MACROD2: variants seen among roughly 807,000 people sequenced by gnomAD.
MACROD2 encodes ADP-ribose glycohydrolase MACROD2.
A neutral mutation model predicts 70.4 loss-of-function variants in MACROD2; 36 were observed. The ratio of observed to expected loss-of-function variants is 0.51; its 90% CI spans 0.39 to 0.68. The LOEUF is 0.68. Among genes scored for constraint, MACROD2 ranks in the 30% least tolerant of loss-of-function variants. The pLI, the probability that MACROD2 is intolerant of heterozygous loss-of-function variation, is 0.00. For synonymous variants in MACROD2, 172 were observed against 178.8 expected (o/e 0.96, Z 0.30); for missense variants, 496 against 538.4 (o/e 0.92, Z 0.78).
chr20:15,441,900 CA>C (rs1303091680), intron 7 of MACROD2, among the ~76,000 whole-genome samples: 1 of 152,112 alleles, frequency 6.6e-6, no homozygotes, highest in Non-Finnish European at 1.5e-5. Flanking sequence ...ATTACAGAGC[CA>C]ATCCATTGAG....
intron 5 of MACROD2, among the ~76,000 whole-genome samples, chr20:15,099,552 T>G (rs1568572818): frequency 6.6e-6 from 1 of 152,158 alleles, no homozygotes; most frequent in Non-Finnish European, 1.5e-5. Context: ...AAATGTCTGT[T>G]GGTTGAGCTA....
intron 8 of MACROD2, among the ~76,000 whole-genome samples, chr20:15,762,370 G>A (rs1256542078): frequency 6.6e-6 from 1 of 152,132 alleles, no homozygotes; most frequent in Non-Finnish European, 1.5e-5. Context: ...TCAATTCCAT[G>A]TTTTTAGACC....
chr20:15,019,480 A>G (rs1358466627), intron 5 of MACROD2, among the ~76,000 whole-genome samples: 1 of 152,142 alleles, frequency 6.6e-6, no homozygotes, highest in Non-Finnish European at 1.5e-5. Flanking sequence ...AGATGGTGAC[A>G]AAAAAATAGA....
intron 8 of MACROD2, among the ~76,000 whole-genome samples, chr20:15,763,313 A>G (rs2051467635): frequency 6.6e-6 from 1 of 152,218 alleles, no homozygotes; most frequent in Non-Finnish European, 1.5e-5. Flanking sequence ...GAACAACATC[A>G]GCAGTGAGTT....
chr20:15,966,363 A>C (rs575017261), intron 12 of MACROD2, among the ~76,000 whole-genome samples: 4 of 152,276 alleles, frequency 2.6e-5, no homozygotes, highest in Non-Finnish European at 5.9e-5. Flanking sequence ...CTTTCCTTTC[A>C]GCAGCATGAA....
intron 5 of MACROD2, among the ~76,000 whole-genome samples, chr20:15,024,612 A>G (rs1358454604): frequency 2.0e-5 from 3 of 151,980 alleles, no homozygotes; most frequent in Non-Finnish European, 4.4e-5. Flanking sequence ...TTATATTAAT[A>G]TTATATTTTT....
intron 15 of MACROD2, among the ~76,000 whole-genome samples, chr20:16,020,836 C>T (rs990937199): frequency 6.6e-6 from 1 of 152,104 alleles, no homozygotes; most frequent in South Asian, 2.1e-4. Flanking sequence ...TGGTCACAGT[C>T]AGCCCATCTT....
At chr20:13,997,568 A>G (rs1015310207) in intron 1 of MACROD2, among the ~76,000 whole-genome samples, 1 of 152,044 alleles carries the variant, frequency 6.6e-6, no homozygotes, top group Non-Finnish European at 1.5e-5. Context: ...TGTTTCCTTC[A>G]TTTAACATCT....
intron 4 of MACROD2, among the ~76,000 whole-genome samples, chr20:14,615,831 C>G (rs1050697926): frequency 6.6e-6 from 1 of 152,072 alleles, no homozygotes; most frequent in African/African-American, 2.4e-5. Flanking sequence ...ATGAGAAAGG[C>G]AGGAAAGCAG....
chr20:15,973,843 A>T (rs1471776999), intron 13 of MACROD2, among the ~76,000 whole-genome samples: 1 of 152,224 alleles, frequency 6.6e-6, no homozygotes, highest in African/African-American at 2.4e-5. Context: ...AGTGACAAAG[A>T]GTTGGTTATT....
chr20:14,024,899 G>A (rs2053139660), intron 2 of MACROD2, among the ~76,000 whole-genome samples: 1 of 152,094 alleles, frequency 6.6e-6, no homozygotes, highest in African/African-American at 2.4e-5. Context: ...AATGAGTTAG[G>A]GAGAGTCCCT....
At chr20:15,078,821 T>A (rs570904423) in intron 5 of MACROD2, among the ~76,000 whole-genome samples, 26 of 152,152 alleles carry the variant, frequency 1.7e-4, no homozygotes, top group Admixed American at 3.3e-4. Flanking sequence ...AATTTTTATA[T>A]TTTTAGTAGA....
intron 5 of MACROD2, among the ~76,000 whole-genome samples, chr20:14,685,759 G>A (rs370343232): frequency 2.0e-5 from 3 of 152,188 alleles, no homozygotes; most frequent in East Asian, 1.9e-4. Context: ...TATCACATTC[G>A]TCCACTTCTT....
At chr20:15,238,958 G>C (rs1601283355) in intron 6 of MACROD2, among the ~76,000 whole-genome samples, 1 of 152,118 alleles carries the variant, frequency 6.6e-6, no homozygotes, top group Non-Finnish European at 1.5e-5. Context: ...AAAGAGATTT[G>C]CAATGCAAGC....
chr20:15,715,722 G>A (rs2050698532), intron 8 of MACROD2, among the ~76,000 whole-genome samples: 1 of 152,116 alleles, frequency 6.6e-6, no homozygotes, highest in African/African-American at 2.4e-5. Context: ...CATACTGTAT[G>A]TCTTAATTAA....
intron 3 of MACROD2, among the ~76,000 whole-genome samples, chr20:14,302,196 A>C (rs1250835342): frequency 6.6e-6 from 1 of 152,196 alleles, no homozygotes; most frequent in African/African-American, 2.4e-5. Context: ...TCTCTGGAGA[A>C]AAATCTGCTT....
chr20:14,974,650 A>T (rs2074722109), intron 5 of MACROD2, among the ~76,000 whole-genome samples: 2 of 151,836 alleles, frequency 1.3e-5, no homozygotes, highest in African/African-American at 4.9e-5. Context: ...AGTGACCTCT[A>T]GTGAAGTAAA....
intron 3 of MACROD2, among the ~76,000 whole-genome samples, chr20:14,270,774 C>T (rs920240415): frequency 5.3e-5 from 8 of 152,036 alleles, no homozygotes; most frequent in African/African-American, 1.7e-4. Context: ...GCGTGAGTGA[C>T]GCAGAAGACG....
At chr20:14,115,897 T>C (rs777362027) in intron 3 of MACROD2, among the ~76,000 whole-genome samples, 2 of 152,234 alleles carry the variant, frequency 1.3e-5, no homozygotes, top group Non-Finnish European at 2.9e-5. Flanking sequence ...GTTGGAATTA[T>C]TGGGCATTCA....
Sources: allele counts gnomAD v4.1 joint callset (sites outside exome capture counted in the v4.1 genomes callset), GRCh38; gene constraint gnomAD v4.1.1; transcripts MANE v1.5; gene names NCBI Gene and HGNC (gene_info 2026-07-23, HGNC 2026-07-21).